Variants in TSHZ2 observed in about 807,000 individuals in gnomAD.
The protein encoded by TSHZ2 is teashirt zinc finger homeobox 2.
A neutral mutation model predicts 74.4 loss-of-function variants in TSHZ2; 21 were observed. That is an observed-to-expected ratio of 0.28 (90% CI 0.20 to 0.41). The LOEUF is 0.41. Ranked by LOEUF, TSHZ2 falls within the 10% of genes least tolerant of loss-of-function variation. TSHZ2 has a pLI of 1.00. For synonymous variants in TSHZ2, 540 were observed against 515.3 expected (o/e 1.05, Z -0.65); for missense variants, 1,244 against 1,293.5 (o/e 0.96, Z 0.59).
At chr20:53,301,852 A>G (rs1978331716) in intron 2 of TSHZ2, among the ~76,000 whole-genome samples, 1 of 152,218 alleles carries the variant, frequency 6.6e-6, no homozygotes, top group South Asian at 2.1e-4. Flanking sequence ...AGAAAAGTAT[A>G]TGTTTGAAAA....
intron 2 of TSHZ2, among the ~76,000 whole-genome samples, chr20:53,443,993 G>A (rs767054359): frequency 5.3e-5 from 8 of 152,096 alleles, no homozygotes; most frequent in Admixed American, 1.3e-4. Context: ...GAGAGGGAAC[G>A]CGTCCCTGGG....
intron 2 of TSHZ2, among the ~76,000 whole-genome samples, chr20:53,262,231 T>TTA (rs1990617159): frequency 6.6e-6 from 1 of 151,948 alleles, no homozygotes. Context: ...TTTCTTTTTT[T>TTA]AACTATCAAG....
At chr20:53,306,082 C>T (rs1342702244) in intron 2 of TSHZ2, among the ~76,000 whole-genome samples, 1 of 152,138 alleles carries the variant, frequency 6.6e-6, no homozygotes, top group Non-Finnish European at 1.5e-5. Context: ...GGCATCTGCT[C>T]TGGTGGTTCT....
intron 2 of TSHZ2, among the ~76,000 whole-genome samples, chr20:53,463,405 AG>A (rs1187739977): frequency 6.1e-5 from 7 of 115,392 alleles, no homozygotes; most frequent in African/African-American, 1.8e-4. Context: ...GAAGGAAGGA[AG>A]GAAGGAAGGA....
At chr20:53,224,388 CACTA>C (rs1411374724) in intron 1 of TSHZ2, among the ~76,000 whole-genome samples, 7 of 152,316 alleles carry the variant, frequency 4.6e-5, no homozygotes, top group Non-Finnish European at 8.8e-5. Context: ...GACCCAATGA[CACTA>C]ACTATCTGGG....
intron 2 of TSHZ2, among the ~76,000 whole-genome samples, chr20:53,307,117 G>A (rs543880163): frequency 1.7e-4 from 26 of 151,890 alleles, no homozygotes; most frequent in African/African-American, 5.6e-4. Context: ...GGCTGAGTGC[G>A]GGTAAATGAC....
chr20:53,070,887 T>A (rs117331614), intron 1 of TSHZ2, among the ~76,000 whole-genome samples: 4,367 of 152,262 alleles, frequency 0.029, 95 homozygotes, highest in Non-Finnish European at 0.043. Context: ...GAAGTGAGTG[T>A]CTGAGATTTA....
intron 1 of TSHZ2, among the ~76,000 whole-genome samples, chr20:53,193,099 A>G (rs1463629207): frequency 6.6e-6 from 1 of 150,494 alleles, no homozygotes; most frequent in African/African-American, 2.5e-5. Context: ...GTAACCACCT[A>G]CCTGTGTCGT....
rs562137625 is a variant in TSHZ2 at position 53,076,553 on chromosome 20, C to T, written c.40+103220C>T. Among the ~76,000 whole-genome samples the T allele has an allele frequency of 1.5e-4, 23 of 152,202 alleles. 2 individuals carry two copies. The East Asian group carries it at 3.1e-3, about 20-fold the overall frequency. ...TGGGCCAGATTCCATACAAGCGATG[C>T]GGAGGTCCTGACCCAGTCTGAAGAT... On this transcript the variant is annotated intron_variant, in intron 1 of 2. Coordinates refer to ENST00000371497, the MANE Select transcript of TSHZ2 (RefSeq NM_173485.6).
rs1990412972 is a variant in TSHZ2, at chr20:53,254,405, T to C, written c.947T>C (p.Met316Thr). Residue 316 changes from methionine (M) to threonine (T), a missense_variant, in exon 2 of 3, where the codon ATG (methionine) becomes ACG (threonine). By Grantham distance (81) the Met-to-Thr change is moderately conservative. Coordinates refer to ENST00000371497, the MANE Select transcript of TSHZ2 (RefSeq NM_173485.6). ...KEPVPTISSK[M>T]VTPAKKRVFD... ...CCAGTCCCAACCATTTCCTCGAAAA[T>C]GGTCACCCCGGCTAAGAAACGCGTT... 1 of 1,613,720 alleles carries C rather than the reference T, an allele frequency of 6.2e-7. No homozygotes were observed. Among genetic ancestry groups the C allele is most frequent in the Admixed American group, 1.7e-5 (1 of 60,002 alleles).
At chr20:53,096,956 A>C (rs555199075) in intron 1 of TSHZ2, among the ~76,000 whole-genome samples, 6 of 152,186 alleles carry the variant, frequency 3.9e-5, no homozygotes, top group East Asian at 1.9e-4. Context: ...ACAAAAAAAA[A>C]CAACAAAAAA....
intron 1 of TSHZ2, among the ~76,000 whole-genome samples, chr20:53,244,586 G>C (rs1018329592): frequency 2.0e-5 from 3 of 152,034 alleles, no homozygotes; most frequent in African/African-American, 7.3e-5. Context: ...ACCAAGACAC[G>C]TCGCAATAAT....
At position 53,315,361 on chromosome 20, in the gene TSHZ2, G is replaced by A. The variant is rs535760828; in HGVS notation, c.*8+58790G>A. On this transcript the variant is annotated intron_variant, in intron 2 of 2. Coordinates refer to ENST00000371497, the MANE Select transcript of TSHZ2 (RefSeq NM_173485.6). ...ATCCTTCTCTTGAAGTGAATTCCAA[G>A]TCTGTATTTTCTCTTGTAAACATAC... Among the ~76,000 whole-genome samples, 3 of 152,298 alleles carry A rather than the reference G, an allele frequency of 2.0e-5. No individual in the cohort carries two copies. The South Asian group carries it at 6.2e-4, about 32-fold the overall frequency.
intron 1 of TSHZ2, among the ~76,000 whole-genome samples, chr20:53,090,200 C>T (rs1164263860): frequency 6.8e-6 from 1 of 146,842 alleles, no homozygotes; most frequent in Non-Finnish European, 1.5e-5. Flanking sequence ...CCATCTTCTC[C>T]TGCCTGCTTT....
Position 53,492,853 on chromosome 20 carries a change from A to G in TSHZ2, c.*5718A>G, listed in dbSNP as rs912185658. 2 of 152,218 alleles carry G rather than the reference A, an allele frequency of 1.3e-5. No homozygotes were observed. Among genetic ancestry groups the G allele is most frequent in the Admixed American group, 1.3e-4 (2 of 15,272 alleles). The allele number at this position is 152,218 out of a possible 1,614,324, so 9.4% of individuals were successfully genotyped here. On this transcript the variant is annotated 3_prime_UTR_variant, in exon 3 of 3. Transcript: ENST00000371497. ...AGAATCACATTCATCCTTGCTCTAAAGTGTTTACTTGCCAGCAAAGAAAGG... is the reference window on the plus strand; with the variant it reads ...AGAATCACATTCATCCTTGCTCTAAGGTGTTTACTTGCCAGCAAAGAAAGG...
intron 1 of TSHZ2, among the ~76,000 whole-genome samples, chr20:53,065,143 C>CA (rs1406089962): frequency 3.9e-5 from 6 of 152,198 alleles, no homozygotes; most frequent in African/African-American, 1.4e-4. Context: ...TGATGCAACA[C>CA]ACAATACCTA....
chr20:53,027,382 T>A (rs1369120878), intron 1 of TSHZ2, among the ~76,000 whole-genome samples: 1 of 152,190 alleles, frequency 6.6e-6, no homozygotes, highest in Admixed American at 6.5e-5. Context: ...ATATATGCTG[T>A]TAGAGCACAT....
intron 1 of TSHZ2, among the ~76,000 whole-genome samples, chr20:53,104,151 T>TGGCTGCTGGG (rs1986295544): frequency 6.6e-6 from 1 of 151,358 alleles, no homozygotes; most frequent in Non-Finnish European, 1.5e-5. Context: ...CTGGGGACAT[T>TGGCTGCTGGG]GACCACTGGG....
chr20:53,405,230 C>T (rs1277634234), intron 2 of TSHZ2, among the ~76,000 whole-genome samples: 1 of 139,742 alleles, frequency 7.2e-6, no homozygotes, highest in Non-Finnish European at 1.5e-5. Context: ...GCCTGGGCAG[C>T]AGAGCAAGAC....
Sources: allele counts gnomAD v4.1 joint callset (sites outside exome capture counted in the v4.1 genomes callset), GRCh38; gene constraint gnomAD v4.1.1; transcripts MANE v1.5; gene names NCBI Gene and HGNC (gene_info 2026-07-23, HGNC 2026-07-21).